The following SLC22A25 variants were observed in gnomAD, a reference collection of about 807,000 sequenced individuals.
SLC22A25 encodes solute carrier family 22 member 25, also known as MGI:2442751, MGI:2385316, MGI:3042283, MGI:3645714, MGI:3605624, MGI:2442750.
In SLC22A25, 44 loss-of-function variants were observed where a neutral mutation model predicts 45.9. That is an observed-to-expected ratio of 0.96 (90% CI 0.75 to 1.23). SLC22A25 has a LOEUF of 1.23. Among genes scored for constraint, SLC22A25 ranks in the 50% most tolerant of loss-of-function variants. The probability of loss-of-function intolerance (pLI) is 0.00; values close to 1 mark genes in which losing one functional copy is unlikely to be tolerated. For missense variants in SLC22A25, 800 were observed against 666.4 expected, an observed-to-expected ratio of 1.20 and a Z score of -2.21; for synonymous variants, 283 against 238.6, an observed-to-expected ratio of 1.19 and a Z score of -1.72.
chr11:63,185,948 G>A (rs7927141), intron 7 of SLC22A25, among the ~76,000 whole-genome samples: 18,941 of 151,388 alleles, frequency 0.13, 2,176 homozygotes, highest in African/African-American at 0.31. Flanking sequence ...TATCAGTGTT[G>A]GACATTTGGG....
chr11:63,242,607 G>A (rs117004866), intron 1 of SLC22A25, among the ~76,000 whole-genome samples: 1,896 of 152,198 alleles, frequency 0.012, 20 homozygotes, highest in Middle Eastern at 0.041. Context: ...CCAGCTGGAG[G>A]GTGGGTCTGC....
chr11:63,190,987 A>C (rs2088788199), intron 7 of SLC22A25, among the ~76,000 whole-genome samples: 1 of 152,204 alleles, frequency 6.6e-6, no homozygotes, highest in African/African-American at 2.4e-5. Flanking sequence ...TAGGCTACTC[A>C]GGGTTCAGGG....
chr11:63,204,519 A>G (rs1014403931), intron 7 of SLC22A25, among the ~76,000 whole-genome samples: 1 of 152,324 alleles, frequency 6.6e-6, no homozygotes, highest in South Asian at 2.1e-4. Flanking sequence ...CTCTGATAAA[A>G]CAGACTTCAG....
intron 5 of SLC22A25, among the ~76,000 whole-genome samples, chr11:63,223,599 T>G (rs1451373303): frequency 2.6e-5 from 4 of 151,736 alleles, no homozygotes; most frequent in Admixed American, 2.6e-4. Flanking sequence ...TTTGCATTCT[T>G]TTTTTCATTT....
chr11:63,168,008 T>C (rs1159173720), intron 9 of SLC22A25: 2 of 359,578 alleles, frequency 5.6e-6, no homozygotes, highest in Admixed American at 6.2e-5. Context: ...CCTCCGCTGG[T>C]GATACCCAAG....
intron 7 of SLC22A25, among the ~76,000 whole-genome samples, chr11:63,214,808 G>T (rs978312307): frequency 7.1e-6 from 1 of 140,118 alleles, no homozygotes; most frequent in Non-Finnish European, 1.5e-5. Flanking sequence ...ATGTTAATTT[G>T]ACTGGGCCAG....
chr11:63,188,660 C>T (rs1283763611), intron 7 of SLC22A25, among the ~76,000 whole-genome samples: 1 of 152,144 alleles, frequency 6.6e-6, no homozygotes, highest in Non-Finnish European at 1.5e-5. Context: ...TTGGATCTTT[C>T]CTGCTTTCTC....
chr11:63,231,194 T>G (rs1302362621), intron 3 of SLC22A25, among the ~76,000 whole-genome samples: 2 of 152,242 alleles, frequency 1.3e-5, no homozygotes, highest in Non-Finnish European at 2.9e-5. Flanking sequence ...TCAAATGGTA[T>G]TTCTAGTTCT....
intron 7 of SLC22A25, among the ~76,000 whole-genome samples, chr11:63,202,871 C>T (rs2089290113): frequency 1.3e-5 from 2 of 152,208 alleles, no homozygotes; most frequent in South Asian, 2.1e-4. Flanking sequence ...GGAGACACTT[C>T]CCAGCAGGGG....
At chr11:63,220,919 C>T (rs1283377192) in intron 5 of SLC22A25, among the ~76,000 whole-genome samples, 1 of 152,168 alleles carries the variant, frequency 6.6e-6, no homozygotes, top group Non-Finnish European at 1.5e-5. Flanking sequence ...ACATAATGAT[C>T]TACAGTTTCA....
intron 8 of SLC22A25, among the ~76,000 whole-genome samples, chr11:63,182,767 A>G (rs2088376091): frequency 1.3e-5 from 2 of 152,066 alleles, no homozygotes; most frequent in Admixed American, 1.3e-4. Flanking sequence ...TTCTGGGACT[A>G]AGTTCCATCA....
At chr11:63,169,698 T>G (rs2087810559) in intron 9 of SLC22A25, among the ~76,000 whole-genome samples, 1 of 152,136 alleles carries the variant, frequency 6.6e-6, no homozygotes, top group Admixed American at 6.6e-5. Flanking sequence ...GAGGCTTAGA[T>G]TCCTACGCAA....
rs906667332 is a variant in SLC22A25, at chr11:63,159,406, G to T, written c.*4418C>A. ...GCCAGGTCTTTCCCGTGCTATTCTT[G>T]TGATACTGAATAAGTTTCATGAGAT... On this transcript the variant is annotated 3_prime_UTR_variant, in exon 12 of 12. Transcript: ENST00000306494. 6.6e-6 allele frequency among the ~76,000 whole-genome samples: 1 copy of T among 152,132 alleles called. No homozygotes were observed. Among genetic ancestry groups the T allele is most frequent in the South Asian group, 2.1e-4 (1 of 4,828 alleles).
At chr11:63,185,650 G>C (rs1189095925) in intron 7 of SLC22A25, among the ~76,000 whole-genome samples, 1 of 143,018 alleles carries the variant, frequency 7.0e-6, no homozygotes, top group Non-Finnish European at 1.5e-5. Flanking sequence ...CCACTAACTC[G>C]TCATCTAGCA....
chr11:63,201,818 A>AACT (rs2089253716), intron 7 of SLC22A25, among the ~76,000 whole-genome samples: 1 of 392 alleles, frequency 2.6e-3, no homozygotes, highest in Admixed American at 0.05. Flanking sequence ...TCAATAAAAA[A>AACT]ACCCCATTAA....
chr11:63,176,071 G>T (rs2088078201), intron 9 of SLC22A25, among the ~76,000 whole-genome samples: 2 of 151,856 alleles, frequency 1.3e-5, no homozygotes, highest in African/African-American at 4.8e-5. Context: ...CTGTTCCATT[G>T]GTCTAAATGT....
At chr11:63,187,009 G>C (rs988403576) in intron 7 of SLC22A25, among the ~76,000 whole-genome samples, 4 of 152,114 alleles carry the variant, frequency 2.6e-5, no homozygotes, top group Non-Finnish European at 5.9e-5. Flanking sequence ...TTTGGCTTGG[G>C]ATTGACTTGG....
chr11:63,243,511 C>T lies in SLC22A25; in HGVS notation c.-1073G>A. On this transcript the variant is annotated 5_prime_UTR_variant, in exon 1 of 12. Transcript: ENST00000306494. ...TGGGTGCTGTCTGCATGTTCCTGGCCTCCAGGCTCAAAGAGTCCAGCCCAC... is the reference window on the plus strand; with the variant it reads ...TGGGTGCTGTCTGCATGTTCCTGGCTTCCAGGCTCAAAGAGTCCAGCCCAC... 1 of 762,220 alleles carries T rather than the reference C, an allele frequency of 1.3e-6. No individual in the cohort carries two copies. The highest frequency in any genetic ancestry group is 2.5e-5 in the East Asian group (1 of 40,692). 47.2% of individuals were successfully genotyped at this position (762,220 alleles called of 1,614,324 possible).
chr11:63,235,088 G>T (rs534154325), intron 3 of SLC22A25, among the ~76,000 whole-genome samples: 1 of 151,346 alleles, frequency 6.6e-6, no homozygotes, highest in Non-Finnish European at 1.5e-5. Flanking sequence ...TCATTTCTTC[G>T]TTTCAACTTT....
Sources: gnomAD v4.1 joint callset for allele counts (sites outside exome capture counted in the v4.1 genomes callset) on GRCh38, gnomAD v4.1.1 for gene constraint, MANE v1.5 for transcripts, NCBI Gene and HGNC (gene_info 2026-07-23, HGNC 2026-07-21) for gene names.